The following AKR1C1 variants were observed in gnomAD, a reference collection of about 807,000 sequenced individuals.
The protein encoded by AKR1C1 is 20 alpha-hydroxysteroid dehydrogenase.
In AKR1C1, 32 loss-of-function variants were observed where a neutral mutation model predicts 40.6. The ratio of observed to expected loss-of-function variants is 0.79; its 90% CI spans 0.60 to 1.06. AKR1C1 has a LOEUF of 1.06. Ranked by LOEUF, AKR1C1 falls within the 50% of genes least tolerant of loss-of-function variation. The pLI is 0.00. For missense variants in AKR1C1, 320 were observed against 363.5 expected, an observed-to-expected ratio of 0.88 and a Z score of 0.97; for synonymous variants, 105 against 134.2, an observed-to-expected ratio of 0.78 and a Z score of 1.50.
In AKR1C1 at chr10:4,979,605, A is replaced by T. The variant is rs1189513677; in HGVS notation, c.*1863A>T. On this transcript the variant is annotated 3_prime_UTR_variant, in exon 9 of 9. Transcript: ENST00000380872. Reference sequence around the variant, plus strand: ...AAACTTTCATATTTCAAATCTCTTTAGCAAGTGTAACTCTTTTTTCAAGAT... The same window carrying T: ...AAACTTTCATATTTCAAATCTCTTTTGCAAGTGTAACTCTTTTTTCAAGAT... The T allele has an allele frequency of 1.3e-5, 2 of 152,216 alleles. No homozygotes were observed. Among genetic ancestry groups the T allele is most frequent in the Non-Finnish European group, 2.9e-5 (2 of 68,038 alleles). 9.4% of individuals were successfully genotyped at this position (152,216 alleles called of 1,614,324 possible). A position where few individuals can be genotyped will look rare whatever the true frequency, so the allele number is the denominator to read the frequency against.
Position 4,965,911 on chromosome 10 carries a change from C to T in AKR1C1, c.85-3C>T. ...AAAATACTACCTATGGTTACTCCCC[C>T]AGGTTCCTAAAAGTAAAGCTTTAGA... On this transcript the variant is annotated splice_polypyrimidine_tract_variant and splice_region_variant and intron_variant, in intron 1 of 8. Transcript: ENST00000380872. The T allele has an allele frequency of 6.2e-7, 1 of 1,613,108 alleles. No individual in the cohort carries two copies. Among genetic ancestry groups the T allele is most frequent in the Non-Finnish European group, 8.5e-7 (1 of 1,179,612 alleles).
rs1398707978 is a variant in AKR1C1 at position 4,983,026 on chromosome 10, C to A, written c.*5284C>A. On this transcript the variant is annotated 3_prime_UTR_variant, in exon 9 of 9. Coordinates refer to ENST00000380872, the MANE Select transcript of AKR1C1 (RefSeq NM_001353.6). ...CACTCCCCTGCCACCTCAATCAGAG[C>A]TGGTGCTGGTATCCACTGCTGGGAG... is the stretch of plus-strand genomic sequence containing the variant. 2 of 417,838 alleles carry A rather than the reference C, an allele frequency of 4.8e-6. No individual in the cohort carries two copies. Among genetic ancestry groups the A allele is most frequent in the Non-Finnish European group, 9.6e-6 (2 of 208,202 alleles). The allele number at this position is 417,838 out of a possible 1,614,324, so 25.9% of individuals were successfully genotyped here.
At chr10:4,968,269 T>C (rs979959210) in intron 3 of AKR1C1, 40 bp from the exon 4 acceptor site, 3 of 1,402,776 alleles carry the variant, frequency 2.1e-6, no homozygotes, top group African/African-American at 2.9e-5. Flanking sequence ...TGTGGAGAAA[T>C]TGACTTGTGA....
chr10:4,977,871 G>C lies in AKR1C1; in HGVS notation c.*129G>C. 7.1e-7 allele frequency: 1 copy of C among 1,409,682 alleles called. No homozygotes were observed. The highest frequency in any genetic ancestry group is 9.7e-7 in the Non-Finnish European group (1 of 1,035,210). 87.3% of individuals were successfully genotyped at this position (1,409,682 alleles called of 1,614,324 possible). A position where few individuals can be genotyped will look rare whatever the true frequency, so the allele number is the denominator to read the frequency against. ...CTCTCCTGCTTGGTGATTTCAGCAA[G>C]CTACAGCAAAGCCCATTGGCCAGAA... On this transcript the variant is annotated 3_prime_UTR_variant, in exon 9 of 9. Coordinates refer to ENST00000380872, the MANE Select transcript of AKR1C1 (RefSeq NM_001353.6).
intron 8 of AKR1C1, among the ~76,000 whole-genome samples, chr10:4,976,798 C>A (rs1279727613): frequency 6.6e-6 from 1 of 152,024 alleles, no homozygotes; most frequent in Non-Finnish European, 1.5e-5. Flanking sequence ...GTGAAAAAAA[C>A]AAGCACAATG....
chr10:4,967,076 T>C, intron 3 of AKR1C1, 33 bp downstream of exon 3: 2 of 1,585,782 alleles, frequency 1.3e-6, no homozygotes, highest in Non-Finnish European at 1.7e-6. Flanking sequence ...TTAATTTCAC[T>C]TTTGTTCTCA....
chr10:4,971,280 A>G (rs1272852255), intron 5 of AKR1C1, among the ~76,000 whole-genome samples: 2 of 152,092 alleles, frequency 1.3e-5, no homozygotes, highest in African/African-American at 2.4e-5. Context: ...AAGTAAAAAT[A>G]ATAAACTACT....
At chr10:4,967,229 A>T in intron 3 of AKR1C1, 186 bp downstream of exon 3, 2 of 994,588 alleles carry the variant, frequency 2.0e-6, no homozygotes, top group South Asian at 3.9e-5. Flanking sequence ...CCGTGATTGC[A>T]TGTCTATAAG....
In AKR1C1 at chr10:4,982,870, T is replaced by C. The variant is rs1235606117; in HGVS notation, c.*5128T>C. The C allele has an allele frequency of 1.7e-5, 7 of 423,066 alleles. No homozygotes were observed. In the East Asian group the frequency reaches 3.6e-4, roughly 22 times the overall value. 26.2% of individuals were successfully genotyped at this position (423,066 alleles called of 1,614,324 possible). ...CCTGCATGAGCTCAGCTGTTACCAC[T>C]GCGTACCACACCCTGACCAGTCAGA... On this transcript the variant is annotated 3_prime_UTR_variant, in exon 9 of 9. Coordinates refer to ENST00000380872, the MANE Select transcript of AKR1C1 (RefSeq NM_001353.6).
rs535921621 is a variant in AKR1C1 at position 4,968,124 on chromosome 10, A to G, written c.370-185A>G. On this transcript the variant is annotated intron_variant, in intron 3 of 8. Coordinates refer to ENST00000380872, the MANE Select transcript of AKR1C1 (RefSeq NM_001353.6). ...ACATGTAATAGTTGTAAGAGATTAG[A>G]GGGAGCCTGTCACCTGAAGACATTC... 6 of 1,101,672 alleles carry G rather than the reference A, an allele frequency of 5.4e-6. No individual in the cohort carries two copies. The African/African-American group carries it at 9.6e-5, about 18-fold the overall frequency. 68.2% of individuals were successfully genotyped at this position (1,101,672 alleles called of 1,614,324 possible).
At chr10:4,972,136 T>G in intron 5 of AKR1C1, 65 bp from the exon 6 acceptor site, 2 of 1,603,478 alleles carry the variant, frequency 1.2e-6, no homozygotes, top group Non-Finnish European at 1.7e-6. Flanking sequence ...TCTTTTACTT[T>G]GGTGATTTTA....
At chr10:4,974,173 A>G (rs1250013472) in intron 7 of AKR1C1, among the ~76,000 whole-genome samples, 1 of 151,754 alleles carries the variant, frequency 6.6e-6, no homozygotes, top group African/African-American at 2.4e-5. Context: ...CTAAAAGGAA[A>G]TATTATGAAA....
In AKR1C1 at chr10:4,979,692, T is replaced by C. The variant is rs1446688818; in HGVS notation, c.*1950T>C. 4 of 152,230 alleles carry C rather than the reference T, an allele frequency of 2.6e-5. No individual in the cohort carries two copies. Among genetic ancestry groups the C allele is most frequent in the African/African-American group, 9.6e-5 (4 of 41,462 alleles). The allele number at this position is 152,230 out of a possible 1,614,324, so 9.4% of individuals were successfully genotyped here. On this transcript the variant is annotated 3_prime_UTR_variant, in exon 9 of 9. Coordinates refer to ENST00000380872, the MANE Select transcript of AKR1C1 (RefSeq NM_001353.6). ...ACATCTGCTATGGACTTTTTCCAGTTCTTCACCATCCATTTTTATAAAACT... is the reference window on the plus strand; with the variant it reads ...ACATCTGCTATGGACTTTTTCCAGTCCTTCACCATCCATTTTTATAAAACT...
At chr10:4,976,444 C>T (rs57632101) in intron 8 of AKR1C1, among the ~76,000 whole-genome samples, 2,388 of 152,174 alleles carry the variant, frequency 0.016, 71 homozygotes, top group African/African-American at 0.054. Flanking sequence ...TCATTTCAAA[C>T]CTTTTTCGTG....
rs554465478 is a variant in AKR1C1 at position 4,966,247 on chromosome 10, A to T, written c.252+166A>T. Reference sequence around the variant, plus strand: ...CTAATATCAAAGGCAGGAAGTGAAGATGGCTTTCTCATCTTTGCAGTGTTC... The same window carrying T: ...CTAATATCAAAGGCAGGAAGTGAAGTTGGCTTTCTCATCTTTGCAGTGTTC... On this transcript the variant is annotated intron_variant, in intron 2 of 8. Transcript: ENST00000380872. 2.0e-5 allele frequency among the ~76,000 whole-genome samples: 3 copies of T among 152,364 alleles called. No homozygotes were observed. The South Asian group carries it at 6.2e-4, about 32-fold the overall frequency.
chr10:4,974,111 C>T (rs1306071655), intron 7 of AKR1C1, among the ~76,000 whole-genome samples: 2 of 151,150 alleles, frequency 1.3e-5, no homozygotes, highest in African/African-American at 4.9e-5. Context: ...TAGGTAATGG[C>T]ATTTACTATA....
Position 4,982,256 on chromosome 10 carries a change from T to G in AKR1C1, c.*4514T>G, listed in dbSNP as rs1465513498. ...ACAAGGCCACAGGTGTCTCACGACC[T>G]GACCTCATAAAGCCATCTAGTGGAT... On this transcript the variant is annotated 3_prime_UTR_variant, in exon 9 of 9. Transcript: ENST00000380872. 1.3e-5 allele frequency: 2 copies of G among 152,262 alleles called. No individual in the cohort carries two copies. The highest frequency in any genetic ancestry group is 4.8e-5 in the African/African-American group (2 of 41,438). The allele number at this position is 152,262 out of a possible 1,614,324, so 9.4% of individuals were successfully genotyped here. A position where few individuals can be genotyped will look rare whatever the true frequency, so the allele number is the denominator to read the frequency against.
chr10:4,968,870 T>A lies in AKR1C1; in HGVS notation c.496T>A (p.Ser166Thr), dbSNP rs1836376489. 6.8e-6 allele frequency: 11 copies of A among 1,614,012 alleles called. No individual in the cohort carries two copies. The highest frequency in any genetic ancestry group is 9.3e-6 in the Non-Finnish European group (11 of 1,180,042). The part of the protein sequence containing the change: ...DAGLAKSIGV[S>T]NFNRRQLEMI... Reference sequence around the variant, plus strand: ...AGGATTGGCCAAGTCCATCGGGGTGTCCAACTTCAACCGCAGGCAGCTGGA... The same window carrying A: ...AGGATTGGCCAAGTCCATCGGGGTGACCAACTTCAACCGCAGGCAGCTGGA... Residue 166 changes from serine (S) to threonine (T), a missense_variant, in exon 5 of 9, where the codon TCC becomes ACC. Physicochemically the swap from Ser to Thr is moderately conservative, Grantham distance 58. Around this residue, in one of 3 missense-constraint regions of AKR1C1, gnomAD observed 214 missense variants for 214.8 expected, o/e 1.00. Coordinates refer to ENST00000380872, the MANE Select transcript of AKR1C1 (RefSeq NM_001353.6).
Position 4,979,187 on chromosome 10 carries a change from G to A in AKR1C1, c.*1445G>A, listed in dbSNP as rs1377236230. 7 of 152,116 alleles carry A rather than the reference G, an allele frequency of 4.6e-5. No homozygotes were observed. Among genetic ancestry groups the A allele is most frequent in the Admixed American group, 4.6e-4 (7 of 15,274 alleles). 9.4% of individuals were successfully genotyped at this position (152,116 alleles called of 1,614,324 possible). Reference sequence around the variant, plus strand: ...TACTTATTCTATAAAATTGGAGTAGGCCATAAACTTTGGAGGGCCCTAGAC... The same window carrying A: ...TACTTATTCTATAAAATTGGAGTAGACCATAAACTTTGGAGGGCCCTAGAC... On this transcript the variant is annotated 3_prime_UTR_variant, in exon 9 of 9. Transcript: ENST00000380872.
Sources: gnomAD v4.1 joint callset for allele counts (sites outside exome capture counted in the v4.1 genomes callset) on GRCh38, gnomAD v4.1.1 for gene constraint, gnomAD v4.1.1 regional missense constraint, MANE v1.5 for transcripts, NCBI Gene and HGNC (gene_info 2026-07-23, HGNC 2026-07-21) for gene names.